The following DPP10 variants were observed in gnomAD, a reference collection of about 807,000 sequenced individuals.
The protein encoded by DPP10 is inactive dipeptidyl peptidase 10.
A neutral mutation model predicts 120.9 loss-of-function variants in DPP10; 33 were observed. That is an observed-to-expected ratio of 0.27 (90% CI 0.21 to 0.37). The LOEUF is 0.37. Among genes scored for constraint, DPP10 ranks in the 10% least tolerant of loss-of-function variants. DPP10 has a pLI of 1.00. For synonymous variants in DPP10, 337 were observed against 326.1 expected (o/e 1.03, Z -0.36); for missense variants, 816 against 942.8 (o/e 0.87, Z 1.76).
chr2:115,101,088 A>G (rs2048671821), intron 1 of DPP10, among the ~76,000 whole-genome samples: 1 of 152,146 alleles, frequency 6.6e-6, no homozygotes, highest in South Asian at 2.1e-4. Context: ...ATTTGTCCTC[A>G]TCACGCAGCC....
chr2:115,741,735 G>T (rs969207575), intron 9 of DPP10, among the ~76,000 whole-genome samples: 7 of 152,118 alleles, frequency 4.6e-5, no homozygotes, highest in Admixed American at 2.6e-4. Flanking sequence ...TTTCCCAAAA[G>T]AAATGGGATT....
At chr2:114,680,816 G>T (rs866219914) in intron 1 of DPP10, among the ~76,000 whole-genome samples, 2 of 151,918 alleles carry the variant, frequency 1.3e-5, no homozygotes, top group Non-Finnish European at 2.9e-5. Flanking sequence ...GATGAAACAA[G>T]CATGGTGTCA....
At chr2:114,779,198 C>T (rs962577784) in intron 1 of DPP10, among the ~76,000 whole-genome samples, 1 of 152,196 alleles carries the variant, frequency 6.6e-6, no homozygotes, top group East Asian at 1.9e-4. Context: ...CTGGCTTTCT[C>T]TCCTGGATGT....
chr2:115,703,293 A>C (rs540844217), intron 7 of DPP10, among the ~76,000 whole-genome samples: 3 of 152,112 alleles, frequency 2.0e-5, no homozygotes, highest in South Asian at 2.1e-4. Context: ...CAAATGAAAG[A>C]TGGTCATAAC....
chr2:114,692,568 G>A (rs565297674), intron 1 of DPP10, among the ~76,000 whole-genome samples: 12 of 152,084 alleles, frequency 7.9e-5, no homozygotes, highest in Non-Finnish European at 1.3e-4. Flanking sequence ...GTTTGGGGGT[G>A]GAGAGCTCTG....
intron 20 of DPP10, 122 bp downstream of exon 20, chr2:115,815,109 T>A: frequency 1.0e-6 from 1 of 996,922 alleles, no homozygotes; most frequent in Non-Finnish European, 1.4e-6. Context: ...TTTTGTAAGT[T>A]AATCATAAAG....
chr2:115,420,505 G>GT (rs58498055), intron 3 of DPP10, among the ~76,000 whole-genome samples: 16,887 of 152,154 alleles, frequency 0.11, 1,090 homozygotes, highest in African/African-American at 0.18. Flanking sequence ...GTGTCAAACA[G>GT]TTTAGTAAAA....
At chr2:114,596,233 A>G (rs538427831) in intron 1 of DPP10, among the ~76,000 whole-genome samples, 9 of 152,118 alleles carry the variant, frequency 5.9e-5, no homozygotes, top group Admixed American at 1.3e-4. Context: ...GGGCCCATTT[A>G]CATGAATTAT....
intron 9 of DPP10, among the ~76,000 whole-genome samples, chr2:115,744,328 A>C (rs977157923): frequency 2.0e-5 from 3 of 150,310 alleles, no homozygotes; most frequent in Non-Finnish European, 4.4e-5. Context: ...TAAAAATTGA[A>C]TAGATTAAGG....
chr2:115,499,730 G>A (rs1457933677), intron 4 of DPP10, 126 bp downstream of exon 4: 11 of 538,890 alleles, frequency 2.0e-5, no homozygotes, highest in Admixed American at 1.2e-4. Context: ...AGTTGGGGCT[G>A]GAATATCATA....
intron 1 of DPP10, among the ~76,000 whole-genome samples, chr2:114,880,622 TC>T (rs1389539894): frequency 6.6e-6 from 1 of 152,164 alleles, no homozygotes; most frequent in Non-Finnish European, 1.5e-5. Flanking sequence ...GTGTGGTCAA[TC>T]ATTAATGAGA....
intron 1 of DPP10, among the ~76,000 whole-genome samples, chr2:115,138,775 C>A (rs928459572): frequency 6.6e-6 from 1 of 152,130 alleles, no homozygotes; most frequent in Admixed American, 6.5e-5. Flanking sequence ...ATTTTTACAT[C>A]TAGAATTGTA....
chr2:114,503,490 A>G (rs933647692), intron 1 of DPP10, among the ~76,000 whole-genome samples: 1 of 152,186 alleles, frequency 6.6e-6, no homozygotes, highest in African/African-American at 2.4e-5. Context: ...TTGGAGATGC[A>G]TTTTTTGGGT....
At chr2:115,494,952 T>G (rs2076315166) in intron 3 of DPP10, among the ~76,000 whole-genome samples, 1 of 152,130 alleles carries the variant, frequency 6.6e-6, no homozygotes, top group Non-Finnish European at 1.5e-5. Flanking sequence ...CATACTTAAA[T>G]TAGCCGTTAG....
intron 1 of DPP10, among the ~76,000 whole-genome samples, chr2:114,822,414 C>G (rs527263014): frequency 1.3e-5 from 2 of 152,226 alleles, no homozygotes; most frequent in East Asian, 3.9e-4. Context: ...CCATTTTTTC[C>G]TCTTAGCCTC....
intron 1 of DPP10, among the ~76,000 whole-genome samples, chr2:115,299,287 T>C (rs1007067885): frequency 4.6e-5 from 7 of 152,032 alleles, no homozygotes; most frequent in Non-Finnish European, 8.8e-5. Flanking sequence ...AGAAAAGATA[T>C]GGGCCAGCAC....
chr2:115,293,771 C>G (rs2060762830), intron 1 of DPP10, among the ~76,000 whole-genome samples: 1 of 151,832 alleles, frequency 6.6e-6, no homozygotes, highest in Non-Finnish European at 1.5e-5. Context: ...ATGTTAGAGT[C>G]ATAAACCCTG....
At chr2:114,472,885 A>G (rs1156238074) in intron 1 of DPP10, among the ~76,000 whole-genome samples, 1 of 152,208 alleles carries the variant, frequency 6.6e-6, no homozygotes, top group Non-Finnish European at 1.5e-5. Context: ...TCAACAATAC[A>G]ATCTCCTCAT....
chr2:115,677,475 A>T (rs1226210909), intron 5 of DPP10, among the ~76,000 whole-genome samples: 1 of 151,784 alleles, frequency 6.6e-6, no homozygotes, highest in Non-Finnish European at 1.5e-5. Context: ...AAAAAGATAC[A>T]GAATGGCTGA....
Sources: allele counts gnomAD v4.1 joint callset (sites outside exome capture counted in the v4.1 genomes callset), GRCh38; gene constraint gnomAD v4.1.1; transcripts MANE v1.5; gene names NCBI Gene and HGNC (gene_info 2026-07-23, HGNC 2026-07-21).